Variants in TTC34 observed in about 807,000 individuals in gnomAD.
TTC34 encodes tetratricopeptide repeat domain 34.
TTC34 carries 44 observed loss-of-function variants against 40.7 expected under a neutral mutation model. The ratio of observed to expected loss-of-function variants is 1.08; its 90% CI spans 0.85 to 1.39. The LOEUF (loss-of-function observed/expected upper bound fraction) is 1.39. Ranked by LOEUF, TTC34 falls within the 40% of genes most tolerant of loss-of-function variation. The pLI is 0.00. For missense variants in TTC34, 884 were observed against 838.0 expected, an observed-to-expected ratio of 1.05 and a Z score of -0.68; for synonymous variants, 422 against 398.6, an observed-to-expected ratio of 1.06 and a Z score of -0.70.
chr1:2,652,337 C>G (rs1367384216), intron 6 of TTC34, among the ~76,000 whole-genome samples: 6,803 of 140,960 alleles, frequency 0.048, no homozygotes, highest in Non-Finnish European at 0.056. Flanking sequence ...CCCAGGTGAG[C>G]ATCTGATATC....
chr1:2,654,149 C>G (rs527591350), intron 6 of TTC34, among the ~76,000 whole-genome samples: 1 of 39,154 alleles, frequency 2.6e-5, no homozygotes. Context: ...AGCATCTGAA[C>G]GCACGGAGCA....
chr1:2,640,432 GCTTCGGGAGACAGGT>G (rs1237830572), exon 9 of TTC34: 1 of 152,168 alleles, frequency 6.6e-6, no homozygotes, highest in Admixed American at 6.5e-5. Context: ...CCTCCCAGCA[GCTTCGGGAGACAGGT>G]CTGGTGGGAG....
chr1:2,764,482 G>C (rs1480937617), intron 6 of TTC34, among the ~76,000 whole-genome samples: 2 of 150,334 alleles, frequency 1.3e-5, no homozygotes, highest in Admixed American at 1.3e-4. Flanking sequence ...GCATCTGACA[G>C]CCTGGAGCAG....
chr1:2,642,980 T>A (rs891831697), intron 8 of TTC34, among the ~76,000 whole-genome samples: 1 of 152,130 alleles, frequency 6.6e-6, no homozygotes, highest in Non-Finnish European at 1.5e-5. Flanking sequence ...ACCGCCCCTC[T>A]CCGGGCGGAG....
intron 6 of TTC34, among the ~76,000 whole-genome samples, chr1:2,693,888 A>C (rs796698778): frequency 6.9e-3 from 415 of 60,298 alleles, no homozygotes; most frequent in Middle Eastern, 0.01. Context: ...CATCTGACAG[A>C]CTGGAACAGC....
intron 4 of TTC34, 63 bp downstream of exon 4, chr1:2,787,418 T>C: frequency 1.4e-6 from 2 of 1,397,622 alleles, no homozygotes; most frequent in Non-Finnish European, 9.5e-7. Context: ...ACGGGAGGCC[T>C]GTGCCCTCTT....
intron 5 of TTC34, among the ~76,000 whole-genome samples, 181 bp downstream of exon 5, chr1:2,785,638 C>A (rs1467086919): frequency 6.6e-6 from 1 of 152,178 alleles, no homozygotes; most frequent in Non-Finnish European, 1.5e-5. Context: ...CCTTGGTGCA[C>A]CCACCTTGAA....
At chr1:2,687,479 C>A (rs1640417516) in intron 6 of TTC34, among the ~76,000 whole-genome samples, 1 of 146,830 alleles carries the variant, frequency 6.8e-6, no homozygotes, top group Non-Finnish European at 1.5e-5. Flanking sequence ...TGGAACAGCA[C>A]CCACACACTC....
chr1:2,751,611 C>A (rs1464990806), intron 6 of TTC34, among the ~76,000 whole-genome samples: 20 of 108,954 alleles, frequency 1.8e-4, no homozygotes, highest in Middle Eastern at 4.2e-3. Context: ...CCCACACCCC[C>A]AGGCGAGCAT....
Position 2,760,511 on chromosome 1 carries a change from AG to A in TTC34, c.2226+23097del, listed in dbSNP as rs1272447687. On this transcript the variant is annotated intron_variant, in intron 6 of 8. Coordinates refer to ENST00000401095, the Ensembl canonical transcript of TTC34. The stretch of plus-strand genomic sequence containing the variant: ...CGCAGGTGAGCATCTGACAGCCTGG[AG>A]CAGCACCCACACCCCCAGGTGAGCA... Among the ~76,000 whole-genome samples the A allele has an allele frequency of 5.7e-5, 3 of 52,726 alleles. 1 individual carries two copies. The highest frequency in any genetic ancestry group is 5.5e-4 in the African/African-American group (2 of 3,638). The allele number at this position is 52,726 out of a possible 152,430, so 34.6% of individuals were successfully genotyped here.
At chr1:2,761,118 T>C (rs1641672438) in intron 6 of TTC34, among the ~76,000 whole-genome samples, 2 of 44,082 alleles carry the variant, frequency 4.5e-5, no homozygotes, top group Admixed American at 2.2e-4. Flanking sequence ...GAGCATCACA[T>C]ACTCCCCCAG....
intron 6 of TTC34, among the ~76,000 whole-genome samples, chr1:2,749,481 C>G (rs1293759813): frequency 2.5e-5 from 2 of 81,610 alleles, no homozygotes; most frequent in Admixed American, 1.2e-4. Context: ...ACAGCACCCA[C>G]ATCCCCAGGT....
intron 2 of TTC34, among the ~76,000 whole-genome samples, chr1:2,799,837 C>T (rs982524563): frequency 2.0e-5 from 3 of 152,202 alleles, no homozygotes; most frequent in Non-Finnish European, 4.4e-5. Context: ...CCGGCTGGAG[C>T]AGTACCTTGC....
At chr1:2,699,482 C>T (rs567357469) in intron 6 of TTC34, among the ~76,000 whole-genome samples, 1 of 126,964 alleles carries the variant, frequency 7.9e-6, no homozygotes, top group Non-Finnish European at 1.8e-5. Context: ...CAGCCTGGAG[C>T]AGCACCCACA....
In TTC34 at chr1:2,667,052, CA is replaced by C. The variant is rs1639669207; in HGVS notation, c.2227-21490del. Among the ~76,000 whole-genome samples the C allele has an allele frequency of 1.2e-4, 2 of 17,000 alleles. 1 individual carries two copies. The highest frequency in any genetic ancestry group is 1.7e-4 in the Non-Finnish European group (2 of 11,466). The allele number at this position is 17,000 out of a possible 152,430, so 11.2% of individuals were successfully genotyped here. A position where few individuals can be genotyped will look rare whatever the true frequency, so the allele number is the denominator to read the frequency against. On this transcript the variant is annotated intron_variant, in intron 6 of 8. Transcript: ENST00000401095. ...ATCAGAGAGTCTGGAGCAACGCCCA[CA>C]ACCCCAGGCGAGCATCTGACAGCCT... is the stretch of plus-strand genomic sequence containing the variant.
intron 4 of TTC34, among the ~76,000 whole-genome samples, chr1:2,787,248 G>A (rs558233109): frequency 3.9e-5 from 6 of 152,196 alleles, no homozygotes; most frequent in African/African-American, 1.4e-4. Flanking sequence ...TGCCGGCCCC[G>A]GGGACCTGCC....
intron 1 of TTC34, among the ~76,000 whole-genome samples, chr1:2,801,347 A>AG (rs1210597277): frequency 6.6e-6 from 1 of 151,448 alleles, no homozygotes; most frequent in East Asian, 2.0e-4. Flanking sequence ...GGGCCATTCG[A>AG]GGGGGGCGCC....
intron 6 of TTC34, among the ~76,000 whole-genome samples, chr1:2,771,490 GCGAGCA>G (rs2100503333): frequency 2.4e-5 from 2 of 81,764 alleles, no homozygotes; most frequent in South Asian, 5.6e-4. Context: ...ACACCCCCAG[GCGAGCA>G]TCTGACAGCC....
At chr1:2,759,626 A>T (rs1359415787) in intron 6 of TTC34, among the ~76,000 whole-genome samples, 3,206 of 120,302 alleles carry the variant, frequency 0.027, no homozygotes, top group South Asian at 0.034. Context: ...CCAGCCTGGA[A>T]CAGCACCCAC....
Sources: allele counts gnomAD v4.1 joint callset (sites outside exome capture counted in the v4.1 genomes callset), GRCh38; gene constraint gnomAD v4.1.1; transcripts MANE v1.5; gene names NCBI Gene and HGNC (gene_info 2026-07-23, HGNC 2026-07-21).